CHD5: variants seen among roughly 807,000 people sequenced by gnomAD.
CHD5 encodes ATP-dependent chromatin remodeler CHD5.
Under a neutral mutation model 230.3 loss-of-function variants are expected in CHD5, and 69 were observed. That is an observed-to-expected ratio of 0.30 (90% CI 0.25 to 0.37). The LOEUF (loss-of-function observed/expected upper bound fraction) is 0.37. Among genes scored for constraint, CHD5 ranks in the 10% least tolerant of loss-of-function variants. The pLI, the probability that CHD5 is intolerant of heterozygous loss-of-function variation, is 1.00. For missense variants in CHD5, 1,827 were observed against 2,622.8 expected, an observed-to-expected ratio of 0.70 and a Z score of 6.63; for synonymous variants, 1,064 against 1,065.9, an observed-to-expected ratio of 1.00 and a Z score of 0.03.
chr1:6,104,920 G>C lies in CHD5; in HGVS notation c.*554C>G, dbSNP rs1666136724. 6.2e-6 allele frequency: 1 copy of C among 160,576 alleles called. No individual in the cohort carries two copies. The highest frequency in any genetic ancestry group is 1.7e-4 in the South Asian group (1 of 5,856). 9.9% of individuals were successfully genotyped at this position (160,576 alleles called of 1,614,324 possible). On this transcript the variant is annotated 3_prime_UTR_variant, in exon 42 of 42. Transcript: ENST00000262450. ...TCCAAGCGGGCAGGGGGCCAAATCA[G>C]AAGGGGCTGTCACACAGGTGCAGAC...
At chr1:6,114,054 C>T (rs981260737) in intron 33 of CHD5, among the ~76,000 whole-genome samples, 5 of 152,164 alleles carry the variant, frequency 3.3e-5, no homozygotes, top group African/African-American at 1.2e-4. Flanking sequence ...TCGAGACCAG[C>T]CTGACCAATA....
chr1:6,122,044 C>T (rs972662455), intron 31 of CHD5, among the ~76,000 whole-genome samples: 5 of 152,230 alleles, frequency 3.3e-5, no homozygotes, highest in Admixed American at 6.5e-5. Context: ...TGGGCACAGC[C>T]GGGAAAGCGG....
Position 6,129,163 on chromosome 1 carries a change from T to C in CHD5, c.3388-94A>G. The C allele has an allele frequency of 1.2e-6, 1 of 829,362 alleles. No homozygotes were observed. The allele number at this position is 829,362 out of a possible 1,614,324, so 51.4% of individuals were successfully genotyped here. Reference sequence around the variant, plus strand: ...ATGAGCTCAAGAGCATGGAATGGGCTGCATGACTGTGTAGGGAAAGGCGTG... The same window carrying C: ...ATGAGCTCAAGAGCATGGAATGGGCCGCATGACTGTGTAGGGAAAGGCGTG... On this transcript the variant is annotated intron_variant, in intron 22 of 41. Coordinates refer to ENST00000262450, the MANE Select transcript of CHD5 (RefSeq NM_015557.3). This position sits in a 1 kb window ranked among gnomAD's most constrained non-coding sequence, Gnocchi z 6.8.
intron 1 of CHD5, among the ~76,000 whole-genome samples, chr1:6,179,312 G>C (rs1321751230): frequency 4.6e-5 from 7 of 152,170 alleles, no homozygotes; most frequent in African/African-American, 1.7e-4. Context: ...CCCGGGTAAA[G>C]TGCTTGGGAG....
rs1666963103 is a variant in CHD5, at chr1:6,149,364, A to G, written c.1043T>C (p.Val348Ala). The change falls in exon 8 of 42, where the codon GTG (valine) becomes GCG (alanine). Residue 348 changes from valine to alanine, a missense_variant. Coordinates refer to ENST00000262450, the MANE Select transcript of CHD5 (RefSeq NM_015557.3). ...YETDHQDYCE[V>A]CQQGGEIILC... ...GATGATCTCCCCACCCTGCTGGCAC[A>G]CCTCACAGTAATCCTGGTGGTCTGT... 1 of 1,612,922 alleles carries G rather than the reference A, an allele frequency of 6.2e-7. No individual in the cohort carries two copies. Among genetic ancestry groups the G allele is most frequent in the Non-Finnish European group, 8.5e-7 (1 of 1,179,634 alleles).
chr1:6,175,557 GGGTGGAT>G lies in CHD5; in HGVS notation c.79+4381_79+4387del, dbSNP rs369432418. Among the ~76,000 whole-genome samples, 109 of 151,740 alleles carry G rather than the reference GGGTGGAT, an allele frequency of 7.2e-4. 1 individual carries two copies. Among genetic ancestry groups the G allele is most frequent in the African/African-American group, 2.4e-3 (98 of 41,306 alleles). On this transcript the variant is annotated intron_variant, in intron 1 of 41. Coordinates refer to ENST00000262450, the MANE Select transcript of CHD5 (RefSeq NM_015557.3). The stretch of plus-strand genomic sequence containing the variant: ...ATGGGCAGATGGATGGATGGTGGAT[GGGTGGAT>G]GGTGGATGGACAGATGAATGAATGG...
In CHD5 at chr1:6,148,727, G is replaced by A. The variant is rs574967653; in HGVS notation, c.1383+127C>T. 6 of 665,050 alleles carry A rather than the reference G, an allele frequency of 9.0e-6. No individual in the cohort carries two copies. In the South Asian group the frequency reaches 1.7e-4, roughly 18 times the overall value. The allele number at this position is 665,050 out of a possible 1,614,324, so 41.2% of individuals were successfully genotyped here. ...AGCGCGGGCGAAGCTTTGCGGGATC[G>A]GCTACCGAGGCGGGGCAGGAGCCGG... is the stretch of plus-strand genomic sequence containing the variant. On this transcript the variant is annotated intron_variant, in intron 9 of 41. Coordinates refer to ENST00000262450, the MANE Select transcript of CHD5 (RefSeq NM_015557.3).
At position 6,128,680 on chromosome 1, in the gene CHD5, A is replaced by G. The variant is rs574297590; in HGVS notation, c.3620-71T>C. ...TGCAGGGTTGGCGGGCAGTGCCCAG[A>G]GACACCACCCTGGGCTGTCCTAGCC... On this transcript the variant is annotated intron_variant, in intron 23 of 41. Transcript: ENST00000262450. This position sits in a 1 kb window ranked among gnomAD's most constrained non-coding sequence, Gnocchi z 7.8. 1.1e-5 allele frequency: 15 copies of G among 1,364,472 alleles called. No individual in the cohort carries two copies. In the Admixed American group the frequency reaches 2.1e-4, roughly 19 times the overall value. 84.5% of individuals were successfully genotyped at this position (1,364,472 alleles called of 1,614,324 possible).
chr1:6,108,873 G>A (rs1341533493), intron 38 of CHD5, among the ~76,000 whole-genome samples: 7 of 150,006 alleles, frequency 4.7e-5, no homozygotes, highest in Non-Finnish European at 7.4e-5. Context: ...GTGGAAGGAC[G>A]GAGGCATGGA....
At chr1:6,178,839 G>C (rs1667464927) in intron 1 of CHD5, among the ~76,000 whole-genome samples, 1 of 152,286 alleles carries the variant, frequency 6.6e-6, no homozygotes, top group African/African-American at 2.4e-5. Context: ...ACAGGAGCTG[G>C]AGGTGTCCAT....
At chr1:6,113,877 C>T (rs1666333996) in intron 33 of CHD5, among the ~76,000 whole-genome samples, 1 of 152,182 alleles carries the variant, frequency 6.6e-6, no homozygotes, top group South Asian at 2.1e-4. Flanking sequence ...GCCCATGAAA[C>T]CTCCCGGCCT....
intron 38 of CHD5, among the ~76,000 whole-genome samples, chr1:6,107,991 T>G (rs1404301710): frequency 5.8e-5 from 5 of 86,808 alleles, no homozygotes; most frequent in African/African-American, 1.9e-4. Context: ...GATGGAGAGA[T>G]GGGGGATGGA....
intron 37 of CHD5, 86 bp from the exon 38 acceptor site, chr1:6,110,076 C>A: frequency 1.6e-6 from 2 of 1,255,712 alleles, no homozygotes; most frequent in South Asian, 3.1e-5. Context: ...CAGGCCAAGG[C>A]TCCCGGCAGA....
chr1:6,168,126 G>T, intron 2 of CHD5, 24 bp downstream of exon 2: 1 of 1,582,504 alleles, frequency 6.3e-7, no homozygotes, highest in East Asian at 2.3e-5. Flanking sequence ...CCCCAAGCTC[G>T]CCGGCGCAGG....
chr1:6,128,359 A>C lies in CHD5; in HGVS notation c.3730+140T>G, dbSNP rs1460952154. On this transcript the variant is annotated intron_variant, in intron 24 of 41. Transcript: ENST00000262450. The surrounding 1 kb of genome is among the most constrained non-coding windows in gnomAD (Gnocchi z 7.8). ...GAGGCATGGTGACCAGACAGAGGAA[A>C]CTGCGCTGTAACAGCCCCACTCGCC... 9.0e-7 allele frequency: 1 copy of C among 1,110,762 alleles called. No individual in the cohort carries two copies. The highest frequency in any genetic ancestry group is 1.5e-5 in the African/African-American group (1 of 65,166). The allele number at this position is 1,110,762 out of a possible 1,614,324, so 68.8% of individuals were successfully genotyped here. A position where few individuals can be genotyped will look rare whatever the true frequency, so the allele number is the denominator to read the frequency against.
At chr1:6,151,280 T>C (rs9435113) in intron 6 of CHD5, 125 bp from the exon 7 acceptor site, 505,862 of 1,141,696 alleles carry the variant, frequency 0.44, 119,497 homozygotes, top group East Asian at 0.74. Flanking sequence ...CTGTGATTCA[T>C]CTCAGCCCCC....
chr1:6,126,677 G>C lies in CHD5; in HGVS notation c.3973C>G (p.Arg1325Gly). 1 of 1,613,978 alleles carries C rather than the reference G, an allele frequency of 6.2e-7. No individual in the cohort carries two copies. The highest frequency in any genetic ancestry group is 8.5e-7 in the Non-Finnish European group (1 of 1,179,996). The change falls in exon 26 of 42, where the codon CGG becomes GGG. Residue 1325 changes from arginine to glycine, a missense_variant. Around this residue, in one of 14 missense-constraint regions of CHD5, gnomAD observed 137 missense variants for 272.7 expected, o/e 0.50. Coordinates refer to ENST00000262450, the MANE Select transcript of CHD5 (RefSeq NM_015557.3). The surrounding 1 kb of genome is among the most constrained non-coding windows in gnomAD (Gnocchi z 5.7). ...TCCTGCTGCTGCTCATAGTGGTGCC[G>C]CAGCAGCTTCTCCCAGTAGTCGGGG... is the stretch of plus-strand genomic sequence containing the variant. ...VDPDYWEKLL[R>G]HHYEQQQEDL...
chr1:6,164,482 T>C (rs1667222794), intron 2 of CHD5, among the ~76,000 whole-genome samples: 1 of 152,202 alleles, frequency 6.6e-6, no homozygotes, highest in Non-Finnish European at 1.5e-5. Flanking sequence ...TGCAGCCCGG[T>C]TATTTTATGT....
chr1:6,168,393 C>T, intron 1 of CHD5, 116 bp from the exon 2 acceptor site: 1 of 1,273,842 alleles, frequency 7.9e-7, no homozygotes, highest in Non-Finnish European at 1.1e-6. Flanking sequence ...TGTGCCAGGT[C>T]ACAGCTGCCC....
Sources: allele counts gnomAD v4.1 joint callset (sites outside exome capture counted in the v4.1 genomes callset), GRCh38; gene constraint gnomAD v4.1.1; regional missense constraint gnomAD v4.1.1; non-coding constraint Gnocchi (gnomAD v3.1); transcripts MANE v1.5; gene names NCBI Gene and HGNC (gene_info 2026-07-23, HGNC 2026-07-21).